The following PTPN13 variants were observed in gnomAD, a reference collection of about 807,000 sequenced individuals.
The protein encoded by PTPN13 is tyrosine-protein phosphatase non-receptor type 13.
A neutral mutation model predicts 284.0 loss-of-function variants in PTPN13; 191 were observed. That is an observed-to-expected ratio of 0.67 (90% CI 0.60 to 0.76). The LOEUF is 0.76. Ranked by LOEUF, PTPN13 falls within the 30% of genes least tolerant of loss-of-function variation. The probability of loss-of-function intolerance (pLI) is 0.00; values close to 1 mark genes in which losing one functional copy is unlikely to be tolerated. For missense variants in PTPN13, 2,797 were observed against 2,939.9 expected (o/e 0.95, Z 1.12); for synonymous variants, 986 against 1,022.3 (o/e 0.96, Z 0.68).
Position 86,734,775 on chromosome 4 carries a change from G to A in PTPN13, c.2051G>A (p.Arg684Gln), listed in dbSNP as rs1473514738. 4.3e-6 allele frequency: 7 copies of A among 1,613,014 alleles called. No individual in the cohort carries two copies. Among genetic ancestry groups the A allele is most frequent in the East Asian group, 4.5e-5 (2 of 44,858 alleles). Residue 684 changes from arginine to glutamine, a missense_variant, in exon 14 of 48, where the codon CGA (arginine) becomes CAA (glutamine). Arg to Gln is a conservative substitution (Grantham distance 43). Transcript: ENST00000411767. ...TGTCATCAGTATTACCTTCAGCTTC[G>A]AAAAGATATTTTGGAGGAAAGGATG... The part of the protein sequence containing the change: ...LTCHQYYLQL[R>Q]KDILEERMHC...
intron 3 of PTPN13, among the ~76,000 whole-genome samples, chr4:86,676,280 T>C (rs2148907121): frequency 6.6e-6 from 1 of 152,312 alleles, no homozygotes; most frequent in Admixed American, 6.5e-5. Context: ...ATAATTAAAT[T>C]GAAAATGTTA....
chr4:86,775,781 A>C (rs1740565237), intron 35 of PTPN13, 129 bp downstream of exon 35: 2 of 763,198 alleles, frequency 2.6e-6, no homozygotes, highest in Non-Finnish European at 4.1e-6. Flanking sequence ...GGACTTAATA[A>C]ATTTAAAACA....
At chr4:86,671,237 G>A (rs1035686683) in intron 2 of PTPN13, among the ~76,000 whole-genome samples, 2 of 152,062 alleles carry the variant, frequency 1.3e-5, no homozygotes, top group Admixed American at 6.6e-5. Flanking sequence ...ATTCAGTCCT[G>A]ATTTAAAAAA....
At chr4:86,672,592 T>C in intron 3 of PTPN13, 49 bp downstream of exon 3, 1 of 1,431,052 alleles carries the variant, frequency 7.0e-7, no homozygotes, top group Non-Finnish European at 9.5e-7. Context: ...TGGGGATAGG[T>C]CAAATAAAGA....
chr4:86,705,333 C>CAAAAAAAAAAAA (rs759784072), intron 7 of PTPN13, among the ~76,000 whole-genome samples: 9 of 95,340 alleles, frequency 9.4e-5, no homozygotes, highest in African/African-American at 2.8e-4. Context: ...GACTCCGTCT[C>CAAAAAAAAAAAA]AAAAAAAAAA....
In PTPN13 at chr4:86,668,762, ATT is replaced by A. The variant is rs776320959; in HGVS notation, c.116-3580_116-3579del. ...AGGTACCCACCACCACGCCCAGCTA[ATT>A]TTTTTTTTTTTTTTTTTTTTTTAGT... is the stretch of plus-strand genomic sequence containing the variant. On this transcript the variant is annotated intron_variant, in intron 2 of 47. Transcript: ENST00000411767. Among the ~76,000 whole-genome samples the A allele has an allele frequency of 9.4e-3, 1,059 of 112,256 alleles. 5 individuals carry two copies. Among genetic ancestry groups the A allele is most frequent in the Non-Finnish European group, 0.014 (786 of 55,660 alleles). 73.6% of individuals were successfully genotyped at this position (112,256 alleles called of 152,430 possible). A position where few individuals can be genotyped will look rare whatever the true frequency, so the allele number is the denominator to read the frequency against.
intron 6 of PTPN13, among the ~76,000 whole-genome samples, chr4:86,695,761 T>A (rs1253373616): frequency 6.6e-6 from 1 of 152,034 alleles, no homozygotes; most frequent in African/African-American, 2.4e-5. Flanking sequence ...TACTATCATT[T>A]CCTACTACCA....
At chr4:86,736,643 G>A (rs933322492) in intron 15 of PTPN13, among the ~76,000 whole-genome samples, 2 of 152,106 alleles carry the variant, frequency 1.3e-5, no homozygotes, top group African/African-American at 4.8e-5. Flanking sequence ...TTTTATACTT[G>A]TAGAAAGTAA....
chr4:86,620,988 A>G (rs1471598673), intron 1 of PTPN13, among the ~76,000 whole-genome samples: 3 of 152,206 alleles, frequency 2.0e-5, no homozygotes, highest in African/African-American at 7.2e-5. Context: ...ATTTTTATCT[A>G]GAAGCACTCC....
chr4:86,608,574 G>A (rs929808104), intron 1 of PTPN13, among the ~76,000 whole-genome samples: 1 of 151,964 alleles, frequency 6.6e-6, no homozygotes, highest in Non-Finnish European at 1.5e-5. Context: ...ATAACTTTAT[G>A]GTAAATACTA....
rs1745466598 is a variant in PTPN13 at position 86,813,551 on chromosome 4, T to C, written c.7363-905T>C. Among the ~76,000 whole-genome samples the C allele has an allele frequency of 2.0e-5, 3 of 152,194 alleles. No individual in the cohort carries two copies. In the South Asian group the frequency reaches 6.2e-4, roughly 32 times the overall value. ...CCTCCACCTCCCAGGTTCAAGTGAT[T>C]CTCCTGCCTCACCTTCCTGAGTAGC... is the stretch of plus-strand genomic sequence containing the variant. On this transcript the variant is annotated intron_variant, in intron 47 of 47. Coordinates refer to ENST00000411767, the MANE Select transcript of PTPN13 (RefSeq NM_080683.3).
intron 17 of PTPN13, 89 bp downstream of exon 17, chr4:86,745,217 G>A: frequency 8.0e-7 from 1 of 1,256,844 alleles, no homozygotes; most frequent in Non-Finnish European, 1.1e-6. Context: ...TGATTAGGAT[G>A]AAAACTTACA....
At chr4:86,638,645 G>T (rs1469535330) in intron 2 of PTPN13, among the ~76,000 whole-genome samples, 1 of 152,112 alleles carries the variant, frequency 6.6e-6, no homozygotes, top group African/African-American at 2.4e-5. Context: ...GCTGAAACTG[G>T]ATCCCTTCCT....
chr4:86,793,845 A>G (rs1024894735), intron 40 of PTPN13, among the ~76,000 whole-genome samples: 6 of 152,336 alleles, frequency 3.9e-5, no homozygotes, highest in Non-Finnish European at 7.3e-5. Context: ...TCTGGGACAC[A>G]TTTAAAGCAG....
intron 6 of PTPN13, among the ~76,000 whole-genome samples, chr4:86,699,489 C>G (rs752100232): frequency 6.6e-5 from 10 of 151,954 alleles, no homozygotes; most frequent in Non-Finnish European, 1.3e-4. Context: ...TATGACAACA[C>G]CATCAGCCAA....
At chr4:86,787,424 C>G (rs1742060421) in intron 40 of PTPN13, among the ~76,000 whole-genome samples, 1 of 151,730 alleles carries the variant, frequency 6.6e-6, no homozygotes, top group Non-Finnish European at 1.5e-5. Context: ...GAAACCCCGT[C>G]TCTACTAAAA....
intron 6 of PTPN13, among the ~76,000 whole-genome samples, chr4:86,700,790 G>A (rs1002305241): frequency 3.3e-5 from 5 of 152,064 alleles, no homozygotes; most frequent in Non-Finnish European, 7.4e-5. Flanking sequence ...TTCCTTAAAT[G>A]TATGTATTTA....
Position 86,809,882 on chromosome 4 carries a change from C to T in PTPN13, c.7197C>T (p.His2399=), listed in dbSNP as rs1431387350. Residue 2399 remains histidine (H), a synonymous_variant, in exon 46 of 48, where the codon CAC becomes CAT. Coordinates refer to ENST00000411767, the MANE Select transcript of PTPN13 (RefSeq NM_080683.3). ...LTFISYMRHI[H]RSGPIITHCS... is the part of the protein sequence containing the mutation. ...TTATCTCCTACATGAGACACATCCA[C>T]AGATCAGGCCCAATCATTACGCACT... The T allele has an allele frequency of 6.2e-7, 1 of 1,614,044 alleles. No homozygotes were observed. The highest frequency in any genetic ancestry group is 1.1e-5 in the South Asian group (1 of 91,090).
chr4:86,692,706 A>C (rs960843710), intron 5 of PTPN13, among the ~76,000 whole-genome samples: 1 of 152,164 alleles, frequency 6.6e-6, no homozygotes, highest in Non-Finnish European at 1.5e-5. Context: ...ATTAAACTTT[A>C]AGATTACATT....
Sources: allele counts gnomAD v4.1 joint callset (sites outside exome capture counted in the v4.1 genomes callset), GRCh38; gene constraint gnomAD v4.1.1; transcripts MANE v1.5; gene names NCBI Gene and HGNC (gene_info 2026-07-23, HGNC 2026-07-21).